MYT1L: variants seen among roughly 807,000 people sequenced by gnomAD.
The protein encoded by MYT1L is myelin transcription factor 1-like protein.
A neutral mutation model predicts 126.7 loss-of-function variants in MYT1L; 12 were observed. The observed-to-expected ratio is 0.09, with a 90% CI of 0.06 to 0.15. MYT1L has a LOEUF of 0.15. Among genes scored for constraint, MYT1L ranks in the 10% least tolerant of loss-of-function variants. The probability of loss-of-function intolerance (pLI) is 1.00; values close to 1 mark genes in which losing one functional copy is unlikely to be tolerated. For missense variants in MYT1L, 979 were observed against 1,585.2 expected, an observed-to-expected ratio of 0.62 and a Z score of 6.49; for synonymous variants, 541 against 604.2, an observed-to-expected ratio of 0.90 and a Z score of 1.53.
At chr2:2,145,235 C>T (rs1364216917) in intron 3 of MYT1L, among the ~76,000 whole-genome samples, 1 of 152,082 alleles carries the variant, frequency 6.6e-6, no homozygotes, top group South Asian at 2.1e-4. Flanking sequence ...GCAAATGGCC[C>T]GTGGGGAGGA....
intron 18 of MYT1L, among the ~76,000 whole-genome samples, chr2:1,859,577 A>C (rs1445135205): frequency 6.6e-6 from 1 of 152,200 alleles, no homozygotes; most frequent in Non-Finnish European, 1.5e-5. Flanking sequence ...GCGAGTGAAG[A>C]AGCATTATTA....
intron 5 of MYT1L, among the ~76,000 whole-genome samples, chr2:1,993,109 C>T (rs1333298763): frequency 1.3e-5 from 2 of 152,172 alleles, no homozygotes; most frequent in East Asian, 1.9e-4. Context: ...CTTGAATGCT[C>T]GGGGGAGACT....
rs190947668 is a variant in MYT1L at position 2,235,299 on chromosome 2, G to A, written c.-421+49105C>T. Among the ~76,000 whole-genome samples the A allele has an allele frequency of 4.2e-4, 63 of 151,340 alleles. No individual in the cohort carries two copies. The East Asian group carries it at 0.011, about 27-fold the overall frequency. On this transcript the variant is annotated intron_variant, in intron 2 of 24. Coordinates refer to ENST00000647738, the MANE Select transcript of MYT1L (RefSeq NM_001303052.2). Reference sequence around the variant, plus strand: ...TTCCTCAGAGCTTCCCCTTAGAGGGGTGTGTGTAGAGGTGTGTGTGTAGCT... The same window carrying A: ...TTCCTCAGAGCTTCCCCTTAGAGGGATGTGTGTAGAGGTGTGTGTGTAGCT...
rs116698513 is a variant in MYT1L at position 2,115,075 on chromosome 2, G to A, written c.-304+57797C>T. On this transcript the variant is annotated intron_variant, in intron 3 of 24. Transcript: ENST00000647738. ...GGCACGCACATCCCCATGCAGCCAC[G>A]GTGCTTCCTCTTCCCCACAGTGAGT... is the stretch of plus-strand genomic sequence containing the variant. Among the ~76,000 whole-genome samples the A allele has an allele frequency of 3.8e-3, 578 of 152,312 alleles. 4 individuals are homozygous for A. Among genetic ancestry groups the A allele is most frequent in the Non-Finnish European group, 5.8e-3 (393 of 68,030 alleles).
At chr2:2,171,506 CA>C (rs2090045198) in intron 3 of MYT1L, among the ~76,000 whole-genome samples, 1 of 152,162 alleles carries the variant, frequency 6.6e-6, no homozygotes. Context: ...ATGAGATAAA[CA>C]AGATAGCTTG....
chr2:2,192,969 GT>G (rs1028384914), intron 2 of MYT1L, among the ~76,000 whole-genome samples: 1 of 151,688 alleles, frequency 6.6e-6, no homozygotes, highest in African/African-American at 2.4e-5. Flanking sequence ...TTCAGGTTTT[GT>G]TTTTTTTCTT....
chr2:2,092,743 T>A (rs1338591408), intron 3 of MYT1L, among the ~76,000 whole-genome samples: 1 of 152,244 alleles, frequency 6.6e-6, no homozygotes, highest in Non-Finnish European at 1.5e-5. Flanking sequence ...CTGCACATCC[T>A]AGCCTCCTTG....
chr2:2,227,807 A>G (rs1487892067), intron 2 of MYT1L, among the ~76,000 whole-genome samples: 1 of 152,202 alleles, frequency 6.6e-6, no homozygotes, highest in African/African-American at 2.4e-5. Context: ...TTTTCACTGA[A>G]TTATCAAAAA....
At chr2:1,838,381 A>C (rs1239420432) in intron 21 of MYT1L, among the ~76,000 whole-genome samples, 8 of 152,100 alleles carry the variant, frequency 5.3e-5, no homozygotes, top group African/African-American at 1.9e-4. Context: ...TCTGTGTTTG[A>C]GATGGATTTG....
intron 3 of MYT1L, among the ~76,000 whole-genome samples, chr2:2,124,443 G>A (rs533762085): frequency 9.9e-5 from 15 of 151,998 alleles, no homozygotes; most frequent in African/African-American, 3.4e-4. Flanking sequence ...TTACAGGCAC[G>A]TGCCACCACA....
chr2:1,965,722 CA>C (rs369003515), intron 8 of MYT1L, among the ~76,000 whole-genome samples: 13 of 152,328 alleles, frequency 8.5e-5, no homozygotes, highest in African/African-American at 3.1e-4. Context: ...ACCTTAAACC[CA>C]AGGCCTCACG....
At chr2:1,817,853 C>A (rs72765562) in intron 21 of MYT1L, among the ~76,000 whole-genome samples, 1 of 152,194 alleles carries the variant, frequency 6.6e-6, no homozygotes, top group Admixed American at 6.5e-5. Flanking sequence ...TGAGACCCAG[C>A]GGCCTGTTAC....
chr2:2,005,735 T>G (rs1232299708), intron 4 of MYT1L, among the ~76,000 whole-genome samples: 2 of 122,594 alleles, frequency 1.6e-5, no homozygotes, highest in African/African-American at 3.2e-5. Flanking sequence ...TTCTTTCCTG[T>G]GTGCCTTCTT....
rs1558565081 is a variant in MYT1L at position 1,792,480 on chromosome 2, G to A, written c.3277-16C>T. On this transcript the variant is annotated splice_polypyrimidine_tract_variant and intron_variant, in intron 23 of 24. Coordinates refer to ENST00000647738, the MANE Select transcript of MYT1L (RefSeq NM_001303052.2). ...TCGTGGTAATCTGAAACGCACAAGTGTGCGTGACATGTAACACCAGGAGGA... is the reference window on the plus strand; with the variant it reads ...TCGTGGTAATCTGAAACGCACAAGTATGCGTGACATGTAACACCAGGAGGA... 1 of 1,609,118 alleles carries A rather than the reference G, an allele frequency of 6.2e-7. No homozygotes were observed. The highest frequency in any genetic ancestry group is 1.7e-5 in the Admixed American group (1 of 59,798).
At chr2:2,068,012 T>C (rs1273041726) in intron 3 of MYT1L, among the ~76,000 whole-genome samples, 1 of 152,072 alleles carries the variant, frequency 6.6e-6, no homozygotes, top group Admixed American at 6.6e-5. Flanking sequence ...AGTCTGACAA[T>C]ACCAAATTTT....
chr2:1,901,308 G>C (rs1168256249), intron 14 of MYT1L, among the ~76,000 whole-genome samples: 2 of 152,182 alleles, frequency 1.3e-5, no homozygotes, highest in African/African-American at 4.8e-5. Flanking sequence ...TCTAGTGAAA[G>C]AATGGATCAA....
At chr2:2,245,219 G>GA (rs1440791038) in intron 2 of MYT1L, among the ~76,000 whole-genome samples, 1 of 152,114 alleles carries the variant, frequency 6.6e-6, no homozygotes, top group Non-Finnish European at 1.5e-5. Flanking sequence ...GTATGGGTCG[G>GA]AATTATGGTG....
chr2:1,829,734 TTCCCATACACCTGTGAATTGACCC>T (rs2039878685), intron 21 of MYT1L, among the ~76,000 whole-genome samples: 6 of 49,862 alleles, frequency 1.2e-4, no homozygotes, highest in Admixed American at 1.8e-4. Context: ...TGAATTGACC[TTCCCATACACCTGTGAATTGACCC>T]TCCCATACAC....
At chr2:2,311,521 C>T (rs374517974) in intron 1 of MYT1L, among the ~76,000 whole-genome samples, 16 of 152,238 alleles carry the variant, frequency 1.1e-4, no homozygotes, top group East Asian at 9.6e-4. Flanking sequence ...AATGAAGCAC[C>T]GGAGGCTGTG....
Sources: gnomAD v4.1 joint callset for allele counts (sites outside exome capture counted in the v4.1 genomes callset) on GRCh38, gnomAD v4.1.1 for gene constraint, MANE v1.5 for transcripts, NCBI Gene and HGNC (gene_info 2026-07-23, HGNC 2026-07-21) for gene names.